The following KIF13A variants were observed in gnomAD, a reference collection of about 807,000 sequenced individuals.
KIF13A encodes the protein kinesin family member 13A.
A neutral mutation model predicts 212.2 loss-of-function variants in KIF13A; 79 were observed. That is an observed-to-expected ratio of 0.37 (90% confidence interval 0.31 to 0.45). The LOEUF (loss-of-function observed/expected upper bound fraction) is 0.45. KIF13A is among the 20% of genes least tolerant of loss of function. KIF13A has a pLI of 1.00. For missense variants in KIF13A, 1,901 were observed against 2,209.0 expected (o/e 0.86, Z 2.79); for synonymous variants, 789 against 808.6 (o/e 0.98, Z 0.41).
chr6:17,942,194 C>T (rs938808880), intron 2 of KIF13A, among the ~76,000 whole-genome samples: 8 of 151,736 alleles, frequency 5.3e-5, no homozygotes, highest in South Asian at 2.1e-4. Flanking sequence ...CCCAGCTACT[C>T]GGGAGGCTGA....
intron 17 of KIF13A, chr6:17,812,572 A>G (rs1257201739): frequency 6.6e-6 from 1 of 152,136 alleles, no homozygotes; most frequent in Non-Finnish European, 1.5e-5. Context: ...TTCTTTATCC[A>G]GTCTATCGTT....
Position 17,838,737 on chromosome 6 carries a change from G to A in KIF13A, c.831-1154C>T, listed in dbSNP as rs189720898. 1.3e-4 allele frequency among the ~76,000 whole-genome samples: 20 copies of A among 152,334 alleles called. 1 individual carries two copies. In the East Asian group the frequency reaches 2.9e-3, roughly 22 times the overall value. On this transcript the variant is annotated intron_variant, in intron 9 of 38. Coordinates refer to ENST00000259711, the MANE Select transcript of KIF13A (RefSeq NM_022113.6). This position sits in a 1 kb window ranked among gnomAD's most constrained non-coding sequence, Gnocchi z 4.2. ...TGGAAGCTAAATAACGTGTACTCAT[G>A]GACATAGAGACTGGAATGGACAATG...
chr6:17,921,663 T>C (rs1427343776), intron 2 of KIF13A, among the ~76,000 whole-genome samples: 1 of 152,018 alleles, frequency 6.6e-6, no homozygotes, highest in Non-Finnish European at 1.5e-5. Context: ...CAATAACTGA[T>C]GAGAATCAAG....
rs1242197822 is a variant in KIF13A, at chr6:17,794,871, TTTC to T, written c.2943-170_2943-168del. 39 of 615,916 alleles carry T rather than the reference TTTC, an allele frequency of 6.3e-5. No homozygotes were observed. Among genetic ancestry groups the T allele is most frequent in the Non-Finnish European group, 9.9e-5 (37 of 372,530 alleles). 38.2% of individuals were successfully genotyped at this position (615,916 alleles called of 1,614,324 possible). On this transcript the variant is annotated intron_variant, in intron 23 of 38. Transcript: ENST00000259711. This position sits in a 1 kb window ranked among gnomAD's most constrained non-coding sequence, Gnocchi z 4.1. ...CTCTCAAAACCAACCTGTCATATTG[TTTC>T]TTTTTATTTATTTTACTGAGGTAGA...
In KIF13A at chr6:17,815,203, A is replaced by T. The variant is rs537754480; in HGVS notation, c.2000+1817T>A. On this transcript the variant is annotated intron_variant, in intron 17 of 38. Transcript: ENST00000259711. ...TTCAAAGACTTTAAGTACTTTCGCTAATCCTGTTACTGCTATCGAGAAGGC... is the reference window on the plus strand; with the variant it reads ...TTCAAAGACTTTAAGTACTTTCGCTTATCCTGTTACTGCTATCGAGAAGGC... Among the ~76,000 whole-genome samples, 92 of 152,352 alleles carry T rather than the reference A, an allele frequency of 6.0e-4. 1 individual carries two copies. The Middle Eastern group carries it at 0.017, about 28-fold the overall frequency.
rs1766044394 is a variant in KIF13A at position 17,837,190 on chromosome 6, A to G, written c.943-100T>C. 9.7e-7 allele frequency: 1 copy of G among 1,031,648 alleles called. No individual in the cohort carries two copies. Among genetic ancestry groups the G allele is most frequent in the African/African-American group, 1.6e-5 (1 of 62,662 alleles). The allele number at this position is 1,031,648 out of a possible 1,614,324, so 63.9% of individuals were successfully genotyped here. On this transcript the variant is annotated intron_variant, in intron 10 of 38. Coordinates refer to ENST00000259711, the MANE Select transcript of KIF13A (RefSeq NM_022113.6). This position sits in a 1 kb window ranked among gnomAD's most constrained non-coding sequence, Gnocchi z 5.4. ...TTAGGTATGACATTATTCTCTATGA[A>G]GGAAACATTATGTGGAAATGGACTT...
At chr6:17,840,387 A>G (rs1400346785) in intron 9 of KIF13A, among the ~76,000 whole-genome samples, 8 of 152,076 alleles carry the variant, frequency 5.3e-5, no homozygotes, top group Non-Finnish European at 8.8e-5. Flanking sequence ...AATACAGGGC[A>G]TTTTTTTCAC....
Position 17,799,469 on chromosome 6 carries a change from C to T in KIF13A, c.2617-30G>A. The T allele has an allele frequency of 3.4e-6, 5 of 1,449,498 alleles. No individual in the cohort carries two copies. Among genetic ancestry groups the T allele is most frequent in the Non-Finnish European group, 4.6e-6 (5 of 1,085,052 alleles). The allele number at this position is 1,449,498 out of a possible 1,614,324, so 89.8% of individuals were successfully genotyped here. On this transcript the variant is annotated intron_variant, in intron 21 of 38. Transcript: ENST00000259711. The surrounding 1 kb of genome is among the most constrained non-coding windows in gnomAD (Gnocchi z 4.4). ...AGAGATAAACAATACAAATAAAACTCCAATGAACACTAAACATTCTTTCAT... is the reference window on the plus strand; with the variant it reads ...AGAGATAAACAATACAAATAAAACTTCAATGAACACTAAACATTCTTTCAT...
At chr6:17,975,369 C>CA (rs1780269076) in intron 2 of KIF13A, among the ~76,000 whole-genome samples, 1 of 152,096 alleles carries the variant, frequency 6.6e-6, no homozygotes, top group Admixed American at 6.5e-5. Context: ...CGGACCCTCA[C>CA]AATGAATATT....
intron 31 of KIF13A, 103 bp from the exon 32 acceptor site, chr6:17,779,787 T>C (rs1760375179): frequency 2.0e-6 from 1 of 489,230 alleles, no homozygotes; most frequent in Admixed American, 3.6e-5. Context: ...TCGCCCAGGC[T>C]GGAGGGCAGT....
rs570444726 is a variant in KIF13A at position 17,820,229 on chromosome 6, G to A, written c.1787-2996C>T. Reference sequence around the variant, plus strand: ...GCATGATGAGTGGCCACAAATTGAAGTGCAAATACAGAAGACAGAGCAACT... The same window carrying A: ...GCATGATGAGTGGCCACAAATTGAAATGCAAATACAGAAGACAGAGCAACT... On this transcript the variant is annotated intron_variant, in intron 16 of 38. Coordinates refer to ENST00000259711, the MANE Select transcript of KIF13A (RefSeq NM_022113.6). 3.9e-5 allele frequency among the ~76,000 whole-genome samples: 6 copies of A among 152,204 alleles called. No individual in the cohort carries two copies. The South Asian group carries it at 1.0e-3, about 26-fold the overall frequency.
chr6:17,764,059 C>G lies in KIF13A; in HGVS notation c.*51G>C. 7.0e-6 allele frequency: 11 copies of G among 1,566,640 alleles called. No homozygotes were observed. The South Asian group carries it at 1.3e-4, about 19-fold the overall frequency. On this transcript the variant is annotated 3_prime_UTR_variant, in exon 39 of 39. Coordinates refer to ENST00000259711, the MANE Select transcript of KIF13A (RefSeq NM_022113.6). This position sits in a 1 kb window ranked among gnomAD's most constrained non-coding sequence, Gnocchi z 5.1. ...CAAACAACTGGATGAATCTTTCCTA[C>G]CAAGTTGTTGCGGTGAAGGGCCTCT...
intron 3 of KIF13A, among the ~76,000 whole-genome samples, chr6:17,878,327 T>C (rs1056081491): frequency 5.3e-5 from 8 of 152,360 alleles, no homozygotes; most frequent in African/African-American, 1.9e-4. Flanking sequence ...ACAGTTATTG[T>C]TATATATAGT....
intron 2 of KIF13A, among the ~76,000 whole-genome samples, chr6:17,944,678 C>A (rs1261870829): frequency 1.3e-5 from 2 of 152,102 alleles, no homozygotes; most frequent in African/African-American, 2.4e-5. Flanking sequence ...AATTCCAGCT[C>A]AATTTCACTT....
In KIF13A at chr6:17,773,773, G is replaced by A. The variant is rs998900908; in HGVS notation, c.4219-190C>T. On this transcript the variant is annotated intron_variant, in intron 35 of 38. Transcript: ENST00000259711. The surrounding 1 kb of genome is among the most constrained non-coding windows in gnomAD (Gnocchi z 4.2). The stretch of plus-strand genomic sequence containing the variant: ...ATACTGTCATATCCAAGGTATACCC[G>A]GAGTGAATACATGTTAATATTTTAT... Among the ~76,000 whole-genome samples the A allele has an allele frequency of 1.3e-5, 2 of 151,998 alleles. No individual in the cohort carries two copies. The highest frequency in any genetic ancestry group is 6.6e-5 in the Admixed American group (1 of 15,246).
At chr6:17,874,360 C>CTTTACATGTTTAGCAAT (rs1233492993) in intron 3 of KIF13A, among the ~76,000 whole-genome samples, 1 of 151,416 alleles carries the variant, frequency 6.6e-6, no homozygotes, top group African/African-American at 2.4e-5. Flanking sequence ...TGTGAAGCAA[C>CTTTACATGTTTAGCAAT]TTTACATGTT....
intron 3 of KIF13A, among the ~76,000 whole-genome samples, chr6:17,891,563 G>A (rs1384869310): frequency 6.6e-6 from 1 of 152,142 alleles, no homozygotes; most frequent in African/African-American, 2.4e-5. Flanking sequence ...TTTGAGACCA[G>A]CCTGAGCAAC....
At chr6:17,804,623 ACAGCAAGTAAAATT>A in intron 19 of KIF13A, 113 bp from the exon 20 acceptor site, 1 of 1,053,436 alleles carries the variant, frequency 9.5e-7, no homozygotes. Flanking sequence ...ATCCATTTAA[ACAGCAAGTAAAATT>A]ATAATGTCAC....
intron 3 of KIF13A, among the ~76,000 whole-genome samples, chr6:17,878,199 A>G (rs1389431689): frequency 6.6e-6 from 1 of 152,170 alleles, no homozygotes; most frequent in African/African-American, 2.4e-5. Flanking sequence ...GGGGCACTGG[A>G]AAAAACTGGA....
Sources: gnomAD v4.1 joint callset for allele counts (sites outside exome capture counted in the v4.1 genomes callset) on GRCh38, gnomAD v4.1.1 for gene constraint, Gnocchi (gnomAD v3.1) non-coding constraint, MANE v1.5 for transcripts, NCBI Gene and HGNC (gene_info 2026-07-23, HGNC 2026-07-21) for gene names.